The following IRF1 variants were observed in gnomAD, a reference collection of about 807,000 sequenced individuals.
IRF1 encodes interferon regulatory factor-1.
A neutral mutation model predicts 43.7 loss-of-function variants in IRF1; 13 were observed. The ratio of observed to expected loss-of-function variants is 0.30; its 90% CI spans 0.19 to 0.47. IRF1 has a LOEUF of 0.47. Among genes scored for constraint, IRF1 ranks in the 20% least tolerant of loss-of-function variants. The probability of loss-of-function intolerance (pLI) is 0.99; values close to 1 mark genes in which losing one functional copy is unlikely to be tolerated. For missense variants in IRF1, 236 were observed against 408.9 expected (o/e 0.58, Z 3.65); for synonymous variants, 138 against 146.8 (o/e 0.94, Z 0.43).
chr5:132,487,552 G>A (rs1424974671), intron 3 of IRF1: 3 of 346,082 alleles, frequency 8.7e-6, no homozygotes, highest in Non-Finnish European at 1.6e-5. Context: ...CAAGGATAAA[G>A]GAGGCCACCA....
chr5:132,483,948 CT>C lies in IRF1; in HGVS notation c.*2del. 1.2e-6 allele frequency: 2 copies of C among 1,613,016 alleles called. No homozygotes were observed. The highest frequency in any genetic ancestry group is 4.5e-5 in the East Asian group (2 of 44,866). On this transcript the variant is annotated 3_prime_UTR_variant, in exon 10 of 10. Transcript: ENST00000245414. Reference sequence around the variant, plus strand: ...GAGGAATAAGAGGGGCCCAGGGGCCCTGCTACGGTGCACAGGGAATGGCCTG... The same window carrying C: ...GAGGAATAAGAGGGGCCCAGGGGCCCGCTACGGTGCACAGGGAATGGCCTG...
intron 9 of IRF1, 143 bp downstream of exon 9, chr5:132,484,219 G>A: frequency 7.0e-7 from 1 of 1,436,400 alleles, no homozygotes; most frequent in Admixed American, 1.9e-5. Context: ...AAACCTTAAG[G>A]CATGGCAGCC....
chr5:132,489,334 C>G (rs1022227642), intron 2 of IRF1, 58 bp downstream of exon 2: 2 of 1,279,468 alleles, frequency 1.6e-6, no homozygotes, highest in Non-Finnish European at 2.3e-6. Flanking sequence ...AAGCTTTGGT[C>G]CCTCCAGAAG....
chr5:132,489,479 G>C lies in IRF1; in HGVS notation c.-1C>G. On this transcript the variant is annotated 5_prime_UTR_variant, in exon 2 of 10. Coordinates refer to ENST00000245414, the MANE Select transcript of IRF1 (RefSeq NM_002198.3). Reference sequence around the variant, plus strand: ...TCATGCGCATCCGAGTGATGGGCATGTTGGCTGTAAAGAGAACACAGAGGC... The same window carrying C: ...TCATGCGCATCCGAGTGATGGGCATCTTGGCTGTAAAGAGAACACAGAGGC... 6.2e-7 allele frequency: 1 copy of C among 1,613,514 alleles called. No homozygotes were observed. Among genetic ancestry groups the C allele is most frequent in the South Asian group, 1.1e-5 (1 of 91,070 alleles).
chr5:132,484,749 C>T lies in IRF1; in HGVS notation c.718-252G>A. On this transcript the variant is annotated intron_variant, in intron 8 of 9. Coordinates refer to ENST00000245414, the MANE Select transcript of IRF1 (RefSeq NM_002198.3). ...CACCCACTCTCTGGTATAGCATCTCCACGACTTCCCTCTCAACTGTGTAAG... is the reference window on the plus strand; with the variant it reads ...CACCCACTCTCTGGTATAGCATCTCTACGACTTCCCTCTCAACTGTGTAAG... 3 of 491,128 alleles carry T rather than the reference C, an allele frequency of 6.1e-6. No homozygotes were observed. The South Asian group carries it at 9.1e-5, about 15-fold the overall frequency. The allele number at this position is 491,128 out of a possible 1,614,324, so 30.4% of individuals were successfully genotyped here.
chr5:132,488,239 C>T (rs12657912), intron 2 of IRF1: 31,575 of 545,398 alleles, frequency 0.058, 2,471 homozygotes, highest in East Asian at 0.29. Flanking sequence ...TTTGGATGAG[C>T]TGCAGCATTA....
intron 4 of IRF1, 53 bp downstream of exon 4, chr5:132,486,901 C>T (rs2126840127): frequency 6.2e-7 from 1 of 1,614,058 alleles, no homozygotes; most frequent in South Asian, 1.1e-5. Context: ...CAGCTGACCT[C>T]CTTCTACCCT....
At chr5:132,489,787 T>A in intron 1 of IRF1, 1 of 288,026 alleles carries the variant, frequency 3.5e-6, no homozygotes, top group Non-Finnish European at 6.9e-6. Context: ...ACAGATACCC[T>A]AATTTCAGAA....
intron 7 of IRF1, 140 bp downstream of exon 7, chr5:132,486,111 C>A: frequency 2.5e-6 from 3 of 1,195,100 alleles, no homozygotes; most frequent in South Asian, 2.7e-5. Context: ...CTTGCCTCCC[C>A]CTATGGTGGC....
chr5:132,484,603 G>C, intron 8 of IRF1, 106 bp from the exon 9 acceptor site: 1 of 1,424,088 alleles, frequency 7.0e-7, no homozygotes, highest in East Asian at 2.3e-5. Flanking sequence ...CACACCCTTG[G>C]CCATTTTCAC....
chr5:132,486,924 G>C, intron 4 of IRF1, 30 bp downstream of exon 4: 1 of 1,614,012 alleles, frequency 6.2e-7, no homozygotes, highest in Non-Finnish European at 8.5e-7. Flanking sequence ...CTCCCTGAGG[G>C]CTTCCCAAGG....
rs1754512069 is a variant in IRF1, at chr5:132,485,874, T to C, written c.668-158A>G. ...ACCCTCCCGGTGGACCTATCTGCCA[T>C]AGAGATTCCAGAACAGGACCCTGGC... On this transcript the variant is annotated intron_variant, in intron 7 of 9. Coordinates refer to ENST00000245414, the MANE Select transcript of IRF1 (RefSeq NM_002198.3). 98 of 628,592 alleles carry C rather than the reference T, an allele frequency of 1.6e-4. No homozygotes were observed. In the South Asian group the frequency reaches 1.7e-3, roughly 11 times the overall value. 38.9% of individuals were successfully genotyped at this position (628,592 alleles called of 1,614,324 possible). A position where few individuals can be genotyped will look rare whatever the true frequency, so the allele number is the denominator to read the frequency against.
Position 132,486,235 on chromosome 5 carries a change from C to A in IRF1, c.667+16G>T. On this transcript the variant is annotated intron_variant, in intron 7 of 9. Transcript: ENST00000245414. The stretch of plus-strand genomic sequence containing the variant: ...CAGACAGTCAAGCAGGCAGGCCAGG[C>A]CCCAGGAGCACCAACCTTCAGAGGT... 1 of 1,612,424 alleles carries A rather than the reference C, an allele frequency of 6.2e-7. No individual in the cohort carries two copies. Among genetic ancestry groups the A allele is most frequent in the South Asian group, 1.1e-5 (1 of 91,030 alleles).
At position 132,483,937 on chromosome 5, in the gene IRF1, G is replaced by A; in HGVS notation, c.*14C>T. Reference sequence around the variant, plus strand: ...CTGCTTGCCTAGAGGAATAAGAGGGGCCCAGGGGCCCTGCTACGGTGCACA... The same window carrying A: ...CTGCTTGCCTAGAGGAATAAGAGGGACCCAGGGGCCCTGCTACGGTGCACA... On this transcript the variant is annotated 3_prime_UTR_variant, in exon 10 of 10. Coordinates refer to ENST00000245414, the MANE Select transcript of IRF1 (RefSeq NM_002198.3). The A allele has an allele frequency of 6.2e-7, 1 of 1,612,360 alleles. No homozygotes were observed.
At chr5:132,486,224 G>A (rs1416772170) in intron 7 of IRF1, 27 bp downstream of exon 7, 16 of 1,610,936 alleles carry the variant, frequency 9.9e-6, no homozygotes, top group Non-Finnish European at 1.3e-5. Flanking sequence ...CAGTCAAGCA[G>A]GCAGGCCAGG....
intron 9 of IRF1, 125 bp from the exon 10 acceptor site, chr5:132,484,200 G>A: frequency 1.4e-6 from 2 of 1,458,488 alleles, no homozygotes; most frequent in Non-Finnish European, 1.9e-6. Context: ...CATCCACTCA[G>A]CTTCAGGCAA....
chr5:132,484,822 A>C (rs748547831), intron 8 of IRF1: 1 of 228,752 alleles, frequency 4.4e-6, no homozygotes, highest in Non-Finnish European at 8.5e-6. Context: ...AGCATAATAA[A>C]TCAAGAAAAG....
chr5:132,485,792 G>A (rs1020211286), intron 7 of IRF1, 76 bp from the exon 8 acceptor site: 19 of 1,089,254 alleles, frequency 1.7e-5, no homozygotes, highest in Non-Finnish European at 2.7e-5. Context: ...CAGCCCACCA[G>A]ATCCCCCTGC....
intron 3 of IRF1, 67 bp downstream of exon 3, chr5:132,487,859 G>T: frequency 9.4e-7 from 1 of 1,061,356 alleles, no homozygotes. Flanking sequence ...AAGAGCCTCT[G>T]TGTTAACGTG....
Sources: gnomAD v4.1 joint callset for allele counts on GRCh38, gnomAD v4.1.1 for gene constraint, MANE v1.5 for transcripts, NCBI Gene and HGNC (gene_info 2026-07-23, HGNC 2026-07-21) for gene names.